The following CLINT1 variants were observed in gnomAD, a reference collection of about 807,000 sequenced individuals.
CLINT1 encodes the protein clathrin interactor 1.
CLINT1 carries 15 observed loss-of-function variants against 70.4 expected under a neutral mutation model. The observed-to-expected ratio is 0.21, with a 90% CI of 0.14 to 0.33. The LOEUF (loss-of-function observed/expected upper bound fraction) is 0.33, where lower values mean the gene tolerates loss of function less well. Ranked by LOEUF, CLINT1 falls within the 10% of genes least tolerant of loss-of-function variation. The pLI is 1.00. For synonymous variants in CLINT1, 227 were observed against 254.7 expected (o/e 0.89, Z 1.04); for missense variants, 615 against 778.1 (o/e 0.79, Z 2.49).
chr5:157,801,018 T>C (rs1339430515), intron 8 of CLINT1, among the ~76,000 whole-genome samples: 1 of 152,238 alleles, frequency 6.6e-6, no homozygotes, highest in East Asian at 1.9e-4. Context: ...TATATCTGTA[T>C]TATATGACTA....
At chr5:157,858,714 C>A (rs1753834442) in intron 1 of CLINT1, among the ~76,000 whole-genome samples, 1 of 152,150 alleles carries the variant, frequency 6.6e-6, no homozygotes, top group Non-Finnish European at 1.5e-5. Flanking sequence ...AGAAGGGTGG[C>A]CAAGAGGATG....
intron 1 of CLINT1, among the ~76,000 whole-genome samples, chr5:157,829,550 C>T (rs1315427175): frequency 6.6e-6 from 1 of 152,166 alleles, no homozygotes; most frequent in African/African-American, 2.4e-5. Flanking sequence ...GAGACAGTCT[C>T]GTTCCAATTG....
chr5:157,846,896 C>T (rs1415983561), intron 1 of CLINT1, among the ~76,000 whole-genome samples: 1 of 152,180 alleles, frequency 6.6e-6, no homozygotes, highest in Non-Finnish European at 1.5e-5. Flanking sequence ...GCATAGTTTA[C>T]TGATTATTTT....
In CLINT1 at chr5:157,787,469, C is replaced by T. The variant is rs1227083982; in HGVS notation, c.*177G>A. 4 of 630,624 alleles carry T rather than the reference C, an allele frequency of 6.3e-6. No individual in the cohort carries two copies. Among genetic ancestry groups the T allele is most frequent in the African/African-American group, 5.5e-5 (3 of 54,360 alleles). The allele number at this position is 630,624 out of a possible 1,614,324, so 39.1% of individuals were successfully genotyped here. On this transcript the variant is annotated 3_prime_UTR_variant, in exon 12 of 12. Coordinates refer to ENST00000411809, the MANE Select transcript of CLINT1 (RefSeq NM_014666.4). ...ACTGCCTCATCTGAAGTGCTCTTGC[C>T]TGGCCCTCTGAAATACTGGATATTT...
At chr5:157,820,152 G>A (rs254673) in intron 1 of CLINT1, among the ~76,000 whole-genome samples, 84,507 of 152,038 alleles carry the variant, frequency 0.56, 23,932 homozygotes, top group East Asian at 0.79. Flanking sequence ...AGATCTATTA[G>A]AAGTTATTTT....
chr5:157,799,707 T>C (rs1463853975), intron 8 of CLINT1, among the ~76,000 whole-genome samples: 6 of 152,110 alleles, frequency 3.9e-5, no homozygotes, highest in Non-Finnish European at 8.8e-5. Flanking sequence ...AGTCACACAT[T>C]TCTCAATGAC....
intron 1 of CLINT1, among the ~76,000 whole-genome samples, chr5:157,851,457 G>A (rs895139526): frequency 1.3e-5 from 2 of 152,028 alleles, no homozygotes; most frequent in Non-Finnish European, 2.9e-5. Flanking sequence ...GGGAGGCCAC[G>A]GTGGGTAGAT....
intron 1 of CLINT1, among the ~76,000 whole-genome samples, chr5:157,837,145 T>C (rs1763449797): frequency 6.6e-6 from 1 of 152,214 alleles, no homozygotes; most frequent in African/African-American, 2.4e-5. Flanking sequence ...CTGGAAGCTG[T>C]AATCCCAGCA....
intron 5 of CLINT1, among the ~76,000 whole-genome samples, chr5:157,812,334 C>T (rs917217183): frequency 3.3e-5 from 5 of 152,106 alleles, no homozygotes; most frequent in African/African-American, 1.2e-4. Flanking sequence ...ACAAAATGAG[C>T]AAGAGATTGT....
intron 6 of CLINT1, among the ~76,000 whole-genome samples, chr5:157,806,820 T>C (rs1350992501): frequency 2.0e-5 from 3 of 152,170 alleles, no homozygotes; most frequent in Admixed American, 6.6e-5. Context: ...TCAACAATTT[T>C]TTCTTTCCTT....
chr5:157,804,770 C>A (rs1762337082), intron 7 of CLINT1, among the ~76,000 whole-genome samples: 1 of 151,716 alleles, frequency 6.6e-6, no homozygotes, highest in Non-Finnish European at 1.5e-5. Flanking sequence ...ACTAAAAATA[C>A]AAAAAAATTA....
At chr5:157,856,969 C>A (rs1209973395) in intron 1 of CLINT1, among the ~76,000 whole-genome samples, 3 of 152,148 alleles carry the variant, frequency 2.0e-5, no homozygotes, top group East Asian at 1.9e-4. Context: ...AATATTGCCT[C>A]GATTTCTGTC....
chr5:157,836,885 A>C (rs1763441296), intron 1 of CLINT1, among the ~76,000 whole-genome samples: 1 of 152,210 alleles, frequency 6.6e-6, no homozygotes, highest in African/African-American at 2.4e-5. Context: ...AGAATGTATA[A>C]TTATTTTGTT....
chr5:157,814,443 T>A, intron 3 of CLINT1, 150 bp from the exon 4 acceptor site: 1 of 598,618 alleles, frequency 1.7e-6, no homozygotes, highest in Non-Finnish European at 2.9e-6. Context: ...AAACACATAA[T>A]CTAGAACTTA....
chr5:157,852,942 G>A (rs182272474), intron 1 of CLINT1, among the ~76,000 whole-genome samples: 3 of 152,292 alleles, frequency 2.0e-5, no homozygotes, highest in African/African-American at 7.2e-5. Context: ...AGGTAGCTGA[G>A]ACTAAAAAGT....
chr5:157,834,375 A>C (rs947771602), intron 1 of CLINT1, among the ~76,000 whole-genome samples: 1 of 151,872 alleles, frequency 6.6e-6, no homozygotes, highest in Non-Finnish European at 1.5e-5. Context: ...AAAAAAAAAA[A>C]ACCTCCAGTT....
Position 157,786,539 on chromosome 5 carries a change from T to C in CLINT1, c.*1107A>G, listed in dbSNP as rs945947451. ...GAATTACAGCAGAAAAACAAAAACA[T>C]TTTCATTAATTTCCTTTGTCATTAA... On this transcript the variant is annotated 3_prime_UTR_variant, in exon 12 of 12. Transcript: ENST00000411809. 1 of 152,500 alleles carries C rather than the reference T, an allele frequency of 6.6e-6. No individual in the cohort carries two copies. Among genetic ancestry groups the C allele is most frequent in the African/African-American group, 2.4e-5 (1 of 41,428 alleles). 9.4% of individuals were successfully genotyped at this position (152,500 alleles called of 1,614,324 possible).
intron 1 of CLINT1, among the ~76,000 whole-genome samples, chr5:157,857,962 A>C (rs555838125): frequency 1.3e-5 from 2 of 152,332 alleles, no homozygotes; most frequent in African/African-American, 4.8e-5. Flanking sequence ...ATAATCATTA[A>C]AGCCCCAAAG....
intron 1 of CLINT1, among the ~76,000 whole-genome samples, chr5:157,846,586 CAGA>C (rs1331682377): frequency 6.6e-6 from 1 of 152,204 alleles, no homozygotes; most frequent in Non-Finnish European, 1.5e-5. Context: ...GCAAATTATC[CAGA>C]AGGTCTAGCT....
Sources: gnomAD v4.1 joint callset for allele counts (sites outside exome capture counted in the v4.1 genomes callset) on GRCh38, gnomAD v4.1.1 for gene constraint, MANE v1.5 for transcripts, NCBI Gene and HGNC (gene_info 2026-07-23, HGNC 2026-07-21) for gene names.